The following TTC27 variants were observed in gnomAD, a reference collection of about 807,000 sequenced individuals.
TTC27 encodes tetratricopeptide repeat protein 27.
A neutral mutation model predicts 115.9 loss-of-function variants in TTC27; 79 were observed. The observed-to-expected ratio is 0.68, with a 90% CI of 0.57 to 0.82. The LOEUF is 0.82. TTC27 is among the 40% of genes least tolerant of loss of function. The probability of loss-of-function intolerance (pLI) is 0.00; values close to 1 mark genes in which losing one functional copy is unlikely to be tolerated. For missense variants in TTC27, 1,054 were observed against 993.1 expected, an observed-to-expected ratio of 1.06 and a Z score of -0.82; for synonymous variants, 401 against 356.0, an observed-to-expected ratio of 1.13 and a Z score of -1.42.
Position 32,696,952 on chromosome 2 carries a change from A to G in TTC27, c.1120-5855A>G, listed in dbSNP as rs191713500. Among the ~76,000 whole-genome samples the G allele has an allele frequency of 9.3e-3, 1,419 of 152,288 alleles. 10 individuals are homozygous for G. The highest frequency in any genetic ancestry group is 0.024 in the Middle Eastern group (7 of 294). The stretch of plus-strand genomic sequence containing the variant: ...GGTGGCTCACACCTGTAATCCTAGC[A>G]CTTTGGGAGGCCAAGGTGGGCTCAT... On this transcript the variant is annotated intron_variant, in intron 9 of 19. Transcript: ENST00000317907.
At chr2:32,653,453 A>G (rs1665204830) in intron 5 of TTC27, among the ~76,000 whole-genome samples, 1 of 151,988 alleles carries the variant, frequency 6.6e-6, no homozygotes, top group African/African-American at 2.4e-5. Context: ...AATTAGCCGG[A>G]CATTGTGGTG....
At chr2:32,778,536 T>C (rs1670073044) in intron 14 of TTC27, among the ~76,000 whole-genome samples, 1 of 152,200 alleles carries the variant, frequency 6.6e-6, no homozygotes, top group Non-Finnish European at 1.5e-5. Context: ...CAAACACTAA[T>C]GTGCATTTTG....
chr2:32,630,431 C>A, intron 1 of TTC27, 92 bp from the exon 2 acceptor site: 1 of 990,464 alleles, frequency 1.0e-6, no homozygotes, highest in Non-Finnish European at 1.5e-6. Context: ...TGTTTTTGCA[C>A]ACTAAAATGG....
chr2:32,644,792 A>G (rs887831166), intron 4 of TTC27, among the ~76,000 whole-genome samples: 1 of 145,726 alleles, frequency 6.9e-6, no homozygotes, highest in African/African-American at 2.6e-5. Context: ...GGTCTTTACT[A>G]TATCATTCTT....
intron 16 of TTC27, among the ~76,000 whole-genome samples, chr2:32,797,821 G>A (rs933801056): frequency 6.6e-6 from 1 of 152,086 alleles, no homozygotes; most frequent in African/African-American, 2.4e-5. Flanking sequence ...GGAGTAAAAA[G>A]CCAACTCACA....
chr2:32,640,520 C>G, intron 4 of TTC27, 110 bp downstream of exon 4: 1 of 1,128,556 alleles, frequency 8.9e-7, no homozygotes, highest in Admixed American at 2.3e-5. Flanking sequence ...TTTTCTAAGT[C>G]TTCTAGGTAT....
At chr2:32,777,409 A>C (rs1367773654) in intron 13 of TTC27, among the ~76,000 whole-genome samples, 1 of 152,224 alleles carries the variant, frequency 6.6e-6, no homozygotes, top group Non-Finnish European at 1.5e-5. Context: ...ACTTATGTAC[A>C]TCCTCCTATA....
chr2:32,817,389 G>T, intron 18 of TTC27, 68 bp from the exon 19 acceptor site: 1 of 1,269,738 alleles, frequency 7.9e-7, no homozygotes. Flanking sequence ...TTAAATAATT[G>T]GCTTTTGTAC....
chr2:32,745,323 A>G (rs1312897716), intron 12 of TTC27, among the ~76,000 whole-genome samples: 1 of 152,166 alleles, frequency 6.6e-6, no homozygotes, highest in Admixed American at 6.5e-5. Flanking sequence ...CCTGAGGCAG[A>G]CATGATGGCC....
intron 16 of TTC27, among the ~76,000 whole-genome samples, chr2:32,808,231 A>G (rs1045972407): frequency 6.6e-6 from 1 of 151,712 alleles, no homozygotes; most frequent in Non-Finnish European, 1.5e-5. Flanking sequence ...CACTACGCCC[A>G]ACCTACTTGC....
intron 3 of TTC27, among the ~76,000 whole-genome samples, chr2:32,639,563 T>C (rs948415120): frequency 3.3e-5 from 5 of 152,216 alleles, no homozygotes; most frequent in African/African-American, 1.2e-4. Context: ...AATGTAGGTG[T>C]TTAATATAAA....
At chr2:32,780,593 C>T (rs1572607216) in intron 14 of TTC27, among the ~76,000 whole-genome samples, 2 of 152,054 alleles carry the variant, frequency 1.3e-5, no homozygotes, top group South Asian at 4.1e-4. Flanking sequence ...GTGTGCAGCA[C>T]CACGCCTGAC....
chr2:32,800,765 G>T (rs917487442), intron 16 of TTC27, among the ~76,000 whole-genome samples: 3 of 152,276 alleles, frequency 2.0e-5, no homozygotes, highest in Admixed American at 2.0e-4. Context: ...CTCCCAAAGT[G>T]CTGGGATTAC....
intron 16 of TTC27, among the ~76,000 whole-genome samples, chr2:32,810,160 A>G (rs1247672804): frequency 6.6e-6 from 1 of 151,878 alleles, no homozygotes; most frequent in Non-Finnish European, 1.5e-5. Flanking sequence ...AGTTGGAAAG[A>G]GAAGAGATAC....
intron 12 of TTC27, among the ~76,000 whole-genome samples, chr2:32,740,683 T>G (rs2151918420): frequency 6.6e-6 from 1 of 152,298 alleles, no homozygotes; most frequent in South Asian, 2.1e-4. Context: ...AGATGGAGTT[T>G]CGCTCTTGTC....
At chr2:32,633,381 C>T (rs1012554185) in intron 2 of TTC27, among the ~76,000 whole-genome samples, 2 of 151,716 alleles carry the variant, frequency 1.3e-5, no homozygotes, top group Non-Finnish European at 2.9e-5. Flanking sequence ...ATGTTTGGCT[C>T]GTGGCTATAA....
chr2:32,666,572 C>G (rs576206587), intron 6 of TTC27, 63 bp from the exon 7 acceptor site: 6 of 1,552,482 alleles, frequency 3.9e-6, no homozygotes, highest in Non-Finnish European at 5.3e-6. Flanking sequence ...AAATATTACT[C>G]TTCATGACTG....
intron 9 of TTC27, among the ~76,000 whole-genome samples, chr2:32,682,557 C>T (rs2151890408): frequency 6.6e-6 from 1 of 152,264 alleles, no homozygotes; most frequent in Non-Finnish European, 1.5e-5. Context: ...TCTTGCTGCG[C>T]ATCCATTTCC....
chr2:32,667,048 G>A (rs1665807473), intron 7 of TTC27, among the ~76,000 whole-genome samples: 1 of 151,916 alleles, frequency 6.6e-6, no homozygotes, highest in Admixed American at 6.6e-5. Context: ...TAATGATGCA[G>A]TTAGTTATGT....
Sources: gnomAD v4.1 joint callset for allele counts (sites outside exome capture counted in the v4.1 genomes callset) on GRCh38, gnomAD v4.1.1 for gene constraint, MANE v1.5 for transcripts, NCBI Gene and HGNC (gene_info 2026-07-23, HGNC 2026-07-21) for gene names.